Variants in EDAR observed in about 807,000 individuals in gnomAD.
EDAR encodes the protein ectodysplasin A receptor, also known as tumor necrosis factor receptor superfamily member EDAR.
In EDAR, 38 loss-of-function variants were observed where a neutral mutation model predicts 51.3. The ratio of observed to expected loss-of-function variants is 0.74; its 90% CI spans 0.57 to 0.97. EDAR has a LOEUF of 0.97. Ranked by LOEUF, EDAR falls within the 50% of genes least tolerant of loss-of-function variation. The probability of loss-of-function intolerance (pLI) is 0.00; values close to 1 mark genes in which losing one functional copy is unlikely to be tolerated. For synonymous variants in EDAR, 227 were observed against 242.1 expected (o/e 0.94, Z 0.58); for missense variants, 528 against 595.0 (o/e 0.89, Z 1.17).
intron 6 of EDAR, among the ~76,000 whole-genome samples, chr2:108,911,985 G>A (rs937441521): frequency 6.6e-6 from 1 of 152,202 alleles, no homozygotes; most frequent in Non-Finnish European, 1.5e-5. Context: ...TACTCCCCCC[G>A]GGGCCTGTGC....
chr2:108,947,104 T>G (rs961815409), intron 1 of EDAR, among the ~76,000 whole-genome samples: 1 of 152,152 alleles, frequency 6.6e-6, no homozygotes, highest in Non-Finnish European at 1.5e-5. Flanking sequence ...ATGGGAAAAA[T>G]TGGCCAAAAC....
At chr2:108,913,812 T>C (rs987368501) in intron 5 of EDAR, among the ~76,000 whole-genome samples, 8 of 151,594 alleles carry the variant, frequency 5.3e-5, no homozygotes, top group South Asian at 2.1e-4. Flanking sequence ...TAGCCGGGCG[T>C]GGTGGCAGGC....
intron 10 of EDAR, 119 bp downstream of exon 10, chr2:108,907,741 G>T: frequency 8.4e-7 from 1 of 1,188,904 alleles, no homozygotes; most frequent in South Asian, 1.2e-5. Flanking sequence ...CTCCTATCTT[G>T]GACTTCTGGG....
intron 1 of EDAR, among the ~76,000 whole-genome samples, chr2:108,945,065 T>A (rs1449409454): frequency 6.6e-6 from 1 of 152,166 alleles, no homozygotes; most frequent in Non-Finnish European, 1.5e-5. Context: ...GTCTGGTGCT[T>A]TCTGCCCTTG....
intron 11 of EDAR, among the ~76,000 whole-genome samples, chr2:108,899,227 A>C (rs902907749): frequency 5.9e-5 from 9 of 152,266 alleles, no homozygotes; most frequent in African/African-American, 2.2e-4. Context: ...CAGTAGACTT[A>C]TAATCAGAAA....
chr2:108,958,067 T>C (rs192556979), intron 1 of EDAR, among the ~76,000 whole-genome samples: 5 of 152,192 alleles, frequency 3.3e-5, no homozygotes, highest in East Asian at 3.9e-4. Context: ...CAAATTACCA[T>C]GCCCGTGAGC....
chr2:108,983,663 G>T (rs260675), intron 1 of EDAR, among the ~76,000 whole-genome samples: 19 of 152,148 alleles, frequency 1.2e-4, no homozygotes, highest in Non-Finnish European at 2.4e-4. Context: ...TAATCGACCT[G>T]CATCTTCCAG....
rs41280577 is a variant in EDAR, at chr2:108,896,955, C to T, written c.1299G>A (p.Glu433=). 1.9e-6 allele frequency: 3 copies of T among 1,613,536 alleles called. No individual in the cohort carries two copies. In the African/African-American group the frequency reaches 4.0e-5, roughly 22 times the overall value. Residue 433 remains glutamate, a synonymous_variant, in exon 12 of 12, where the codon GAG becomes GAA. Coordinates refer to ENST00000258443, the MANE Select transcript of EDAR (RefSeq NM_022336.4). The part of the protein sequence containing the change: ...AVESLCADIL[E]WAGVVPPASQ... ...AGGCAGGTGGCACAACCCCCGCCCACTCCAGTATGTCTGCACACAAGGACT... is the reference window on the plus strand; with the variant it reads ...AGGCAGGTGGCACAACCCCCGCCCATTCCAGTATGTCTGCACACAAGGACT...
intron 5 of EDAR, among the ~76,000 whole-genome samples, chr2:108,917,835 G>A (rs1033265194): frequency 6.6e-6 from 1 of 152,138 alleles, no homozygotes; most frequent in Non-Finnish European, 1.5e-5. Flanking sequence ...AATGGGTGTG[G>A]TTTGAGGGCA....
At chr2:108,938,958 T>G (rs1233602164) in intron 1 of EDAR, among the ~76,000 whole-genome samples, 1 of 151,908 alleles carries the variant, frequency 6.6e-6, no homozygotes, top group Non-Finnish European at 1.5e-5. Context: ...TTTTGTATTT[T>G]TATTAGAGAC....
Position 108,962,477 on chromosome 2 carries a change from T to G in EDAR, c.-19+26483A>C, listed in dbSNP as rs1443539791. Reference sequence around the variant, plus strand: ...TCATGAGGTCAGGAGATCGAGACCATCCTGGCGAACACAGTGAAACCCTGT... The same window carrying G: ...TCATGAGGTCAGGAGATCGAGACCAGCCTGGCGAACACAGTGAAACCCTGT... On this transcript the variant is annotated intron_variant, in intron 1 of 11. Coordinates refer to ENST00000258443, the MANE Select transcript of EDAR (RefSeq NM_022336.4). 2.6e-5 allele frequency among the ~76,000 whole-genome samples: 4 copies of G among 151,798 alleles called. No individual in the cohort carries two copies. In the East Asian group the frequency reaches 7.8e-4, roughly 30 times the overall value.
chr2:108,905,571 GC>G (rs1696785853), intron 11 of EDAR, among the ~76,000 whole-genome samples: 1 of 152,138 alleles, frequency 6.6e-6, no homozygotes, highest in Admixed American at 6.5e-5. Context: ...TTGGTGAGCT[GC>G]CCAGCATGCA....
At chr2:108,924,964 C>G (rs960247971) in intron 4 of EDAR, among the ~76,000 whole-genome samples, 1 of 152,238 alleles carries the variant, frequency 6.6e-6, no homozygotes, top group African/African-American at 2.4e-5. Context: ...AGAAACATCT[C>G]AGGCTCCTAG....
At chr2:108,919,723 GT>G (rs1375550077) in intron 5 of EDAR, among the ~76,000 whole-genome samples, 1 of 152,158 alleles carries the variant, frequency 6.6e-6, no homozygotes, top group African/African-American at 2.4e-5. Flanking sequence ...GCCTTCTCGG[GT>G]TTGAACTGTA....
intron 1 of EDAR, among the ~76,000 whole-genome samples, chr2:108,987,960 G>T (rs1698524076): frequency 6.6e-6 from 1 of 152,090 alleles, no homozygotes; most frequent in African/African-American, 2.4e-5. Flanking sequence ...GTCTATTATG[G>T]CTCTTCACTT....
rs1696582296 is a variant in EDAR, at chr2:108,896,101, C to T, written c.*806G>A. On this transcript the variant is annotated 3_prime_UTR_variant, in exon 12 of 12. Transcript: ENST00000258443. ...CATGTAGTGCAGACCACAGGGTTCC[C>T]AGGCCAAAGAGTAATGCAGTAAATG... 1 of 152,174 alleles carries T rather than the reference C, an allele frequency of 6.6e-6. No homozygotes were observed. 9.4% of individuals were successfully genotyped at this position (152,174 alleles called of 1,614,324 possible). A position where few individuals can be genotyped will look rare whatever the true frequency, so the allele number is the denominator to read the frequency against.
chr2:108,939,746 C>T (rs985838888), intron 1 of EDAR, among the ~76,000 whole-genome samples: 1 of 152,212 alleles, frequency 6.6e-6, no homozygotes, highest in African/African-American at 2.4e-5. Flanking sequence ...TGCCAATGGG[C>T]TACTGTGCTG....
chr2:108,973,695 C>T lies in EDAR; in HGVS notation c.-19+15265G>A, dbSNP rs1407316341. 3.3e-5 allele frequency among the ~76,000 whole-genome samples: 5 copies of T among 152,298 alleles called. No homozygotes were observed. The South Asian group carries it at 8.3e-4, about 25-fold the overall frequency. On this transcript the variant is annotated intron_variant, in intron 1 of 11. Coordinates refer to ENST00000258443, the MANE Select transcript of EDAR (RefSeq NM_022336.4). ...CCCATGCCACACATGGTGACCGCTG[C>T]CTGTTCTGACCTCCACACCGACTAC...
intron 1 of EDAR, among the ~76,000 whole-genome samples, chr2:108,948,469 TG>T (rs1203566508): frequency 1.3e-5 from 2 of 152,200 alleles, no homozygotes; most frequent in Non-Finnish European, 2.9e-5. Context: ...GTTCTCACAC[TG>T]CTATAAAGAT....
Sources: gnomAD v4.1 joint callset for allele counts (sites outside exome capture counted in the v4.1 genomes callset) on GRCh38, gnomAD v4.1.1 for gene constraint, MANE v1.5 for transcripts, NCBI Gene and HGNC (gene_info 2026-07-23, HGNC 2026-07-21) for gene names.